RORA: variants seen among roughly 807,000 people sequenced by gnomAD.
RORA encodes nuclear receptor ROR-alpha.
Under a neutral mutation model 69.5 loss-of-function variants are expected in RORA, and 7 were observed. The observed-to-expected ratio is 0.10, with a 90% CI of 0.06 to 0.19. The LOEUF (loss-of-function observed/expected upper bound fraction) is 0.19, where lower values mean the gene tolerates loss of function less well. RORA is among the 10% of genes least tolerant of loss of function. RORA has a pLI of 1.00. For synonymous variants in RORA, 261 were observed against 240.8 expected, an observed-to-expected ratio of 1.08 and a Z score of -0.78; for missense variants, 457 against 663.0, an observed-to-expected ratio of 0.69 and a Z score of 3.41.
At chr15:60,623,755 A>G (rs368180707) in intron 2 of RORA, among the ~76,000 whole-genome samples, 2 of 152,122 alleles carry the variant, frequency 1.3e-5, no homozygotes, top group African/African-American at 4.8e-5. Flanking sequence ...CAGTAAGTTT[A>G]CTTTTATTTT....
At chr15:61,218,140 T>A (rs2080058127) in intron 1 of RORA, among the ~76,000 whole-genome samples, 1 of 151,734 alleles carries the variant, frequency 6.6e-6, no homozygotes, top group Admixed American at 6.6e-5. Context: ...CAATCACGCA[T>A]CACAAGTGAA....
At chr15:60,632,267 AG>A (rs2069754724) in intron 2 of RORA, among the ~76,000 whole-genome samples, 1 of 151,994 alleles carries the variant, frequency 6.6e-6, no homozygotes, top group Admixed American at 6.6e-5. Flanking sequence ...CACTACACCC[AG>A]GTAATTTTTT....
chr15:60,600,276 G>A (rs190754711), intron 2 of RORA, among the ~76,000 whole-genome samples: 14 of 152,300 alleles, frequency 9.2e-5, no homozygotes, highest in East Asian at 1.9e-4. Flanking sequence ...AGCTAGGAGC[G>A]TTCCAGGAGC....
At chr15:60,621,727 T>C (rs2069412822) in intron 2 of RORA, among the ~76,000 whole-genome samples, 1 of 150,902 alleles carries the variant, frequency 6.6e-6, no homozygotes, top group Non-Finnish European at 1.5e-5. Context: ...AAAGACTATG[T>C]TCCTAGGAAA....
At chr15:61,088,219 G>A (rs539099575) in intron 1 of RORA, among the ~76,000 whole-genome samples, 79 of 152,190 alleles carry the variant, frequency 5.2e-4, no homozygotes, top group Non-Finnish European at 7.9e-4. Flanking sequence ...CAGAGAGGGC[G>A]AAATGACAAC....
chr15:60,734,419 A>G (rs2071472090), intron 1 of RORA, among the ~76,000 whole-genome samples: 1 of 152,164 alleles, frequency 6.6e-6, no homozygotes, highest in African/African-American at 2.4e-5. Context: ...TTAAATAAAC[A>G]CTGTAATATT....
chr15:61,086,237 A>C (rs2078622993), intron 1 of RORA, among the ~76,000 whole-genome samples: 1 of 152,264 alleles, frequency 6.6e-6, no homozygotes, highest in African/African-American at 2.4e-5. Flanking sequence ...CCATGATCAC[A>C]GAGTTATCTG....
rs1293114630 is a variant in RORA at position 61,216,722 on chromosome 15, G to A, written c.166+12331C>T. Reference sequence around the variant, plus strand: ...AAGCCAGACAGGTATGGGAGGTAACGTCAGGAAAGCTCAACAAGTGGCTGA... The same window carrying A: ...AAGCCAGACAGGTATGGGAGGTAACATCAGGAAAGCTCAACAAGTGGCTGA... On this transcript the variant is annotated intron_variant, in intron 1 of 10. Transcript: ENST00000335670. 6.6e-5 allele frequency among the ~76,000 whole-genome samples: 10 copies of A among 152,284 alleles called. No homozygotes were observed. The South Asian group carries it at 8.3e-4, about 13-fold the overall frequency.
chr15:60,790,679 CT>C (rs1416513213), intron 1 of RORA, among the ~76,000 whole-genome samples: 3 of 152,190 alleles, frequency 2.0e-5, no homozygotes, highest in Non-Finnish European at 4.4e-5. Context: ...AGCTGAAGAC[CT>C]TCTCCTACCA....
At chr15:60,867,359 C>G (rs1413062823) in intron 1 of RORA, among the ~76,000 whole-genome samples, 1 of 152,012 alleles carries the variant, frequency 6.6e-6, no homozygotes, top group Non-Finnish European at 1.5e-5. Context: ...GCAACTGAGC[C>G]CTTAACTGTG....
chr15:60,592,469 C>G (rs2068557408), intron 2 of RORA: 1 of 1,368,552 alleles, frequency 7.3e-7, no homozygotes, highest in Non-Finnish European at 9.5e-7. Flanking sequence ...GACCCCGGAG[C>G]CCCCTCTGCC....
intron 1 of RORA, among the ~76,000 whole-genome samples, chr15:60,873,611 A>C (rs1209819024): frequency 1.3e-5 from 2 of 152,212 alleles, no homozygotes; most frequent in African/African-American, 4.8e-5. Flanking sequence ...TAATGAAAGA[A>C]AATTAATTAA....
chr15:60,962,035 G>A (rs1893429316), intron 1 of RORA, among the ~76,000 whole-genome samples: 1 of 152,232 alleles, frequency 6.6e-6, no homozygotes, highest in South Asian at 2.1e-4. Context: ...GGTCCTGACC[G>A]AGTGCTGTTT....
chr15:60,996,639 G>A (rs539744414), intron 1 of RORA, among the ~76,000 whole-genome samples: 34 of 152,256 alleles, frequency 2.2e-4, no homozygotes, highest in African/African-American at 3.1e-4. Context: ...GGCCGGGCAC[G>A]ATGGCTCACA....
intron 2 of RORA, among the ~76,000 whole-genome samples, chr15:60,594,258 T>C (rs2068618397): frequency 6.6e-6 from 1 of 152,214 alleles, no homozygotes; most frequent in Admixed American, 6.5e-5. Context: ...TCACACCACG[T>C]TCCTATGATG....
At chr15:60,927,500 T>A (rs1470388863) in intron 1 of RORA, among the ~76,000 whole-genome samples, 1 of 152,306 alleles carries the variant, frequency 6.6e-6, no homozygotes, top group Non-Finnish European at 1.5e-5. Context: ...CGTCTGACTG[T>A]GGTGGCTCAT....
intron 3 of RORA, among the ~76,000 whole-genome samples, chr15:60,526,873 A>G (rs115408929): frequency 0.022 from 3,362 of 152,292 alleles, 131 homozygotes; most frequent in African/African-American, 0.077. Context: ...TTTAACCTAA[A>G]CATAAAAAGC....
At chr15:60,689,959 TTAGC>T (rs1198002877) in intron 1 of RORA, among the ~76,000 whole-genome samples, 21 of 152,170 alleles carry the variant, frequency 1.4e-4, no homozygotes, top group Admixed American at 1.3e-3. Flanking sequence ...CCACCATCCT[TTAGC>T]TACCACACAG....
chr15:60,949,295 C>T (rs985558011), intron 1 of RORA, among the ~76,000 whole-genome samples: 2 of 152,178 alleles, frequency 1.3e-5, no homozygotes, highest in Admixed American at 6.5e-5. Flanking sequence ...TCAGAAGTTG[C>T]CAGGCCAAAT....
Sources: gnomAD v4.1 joint callset for allele counts (sites outside exome capture counted in the v4.1 genomes callset) on GRCh38, gnomAD v4.1.1 for gene constraint, MANE v1.5 for transcripts, NCBI Gene and HGNC (gene_info 2026-07-23, HGNC 2026-07-21) for gene names.